Variants in SLC67A1 observed in about 807,000 individuals in gnomAD.
SLC67A1 encodes the protein solute carrier family 67 member 1, also known as solute carrier family 67 member A1.
At chr11:2,899,703 C>T in the SLC67A1 span, 1 of 1,493,222 alleles carries the variant, frequency 6.7e-7, no homozygotes, top group Non-Finnish European at 8.9e-7. Context: ...TTCCCCCATT[C>T]ACACTGAGCC....
chr11:2,916,825 G>A, the SLC67A1 span: 24 of 1,200,342 alleles, frequency 2.0e-5, no homozygotes, highest in South Asian at 2.2e-4. Flanking sequence ...CAAGGGGTAC[G>A]GGGGGCCTGA....
At chr11:2,917,571 T>A in the SLC67A1 span, among the ~76,000 whole-genome samples, 1 of 152,208 alleles carries the variant, frequency 6.6e-6, no homozygotes, top group Non-Finnish European at 1.5e-5. Flanking sequence ...TGGTACAGTA[T>A]TGCCATTGTC....
the SLC67A1 span, among the ~76,000 whole-genome samples, chr11:2,924,046 C>G: frequency 6.6e-6 from 1 of 152,176 alleles, no homozygotes; most frequent in Non-Finnish European, 1.5e-5. The surrounding 1 kb of genome is among the most constrained non-coding windows in gnomAD (Gnocchi z 8.6). Flanking sequence ...CCTCTGGGCA[C>G]GGGACCAGAG....
the SLC67A1 span, chr11:2,916,908 C>G: frequency 1.6e-6 from 1 of 618,316 alleles, no homozygotes; most frequent in Admixed American, 2.9e-5. Flanking sequence ...TCATAGAAGC[C>G]AAGTGAGGTG....
chr11:2,918,154 C>G, the SLC67A1 span: 1 of 1,366,778 alleles, frequency 7.3e-7, no homozygotes, highest in African/African-American at 1.4e-5. Context: ...CAGCTGCGGC[C>G]AGGGCCCGGC....
chr11:2,921,148 G>C, the SLC67A1 span: 1 of 149,698 alleles, frequency 6.7e-6, no homozygotes, highest in Non-Finnish European at 1.5e-5. Flanking sequence ...GGAGAATGGC[G>C]TGAACCCGGG....
chr11:2,918,895 A>G, the SLC67A1 span: 21 of 181,314 alleles, frequency 1.2e-4, no homozygotes, highest in East Asian at 2.2e-3. Context: ...GGGTCTCACT[A>G]TCTTTTCCAG....
At chr11:2,903,450 A>G in the SLC67A1 span, 39 of 1,613,134 alleles carry the variant, frequency 2.4e-5, no homozygotes, top group Middle Eastern at 1.6e-4. Context: ...TGGCCGCCAC[A>G]GAACTTACCT....
chr11:2,903,666 C>A, the SLC67A1 span: 3 of 673,748 alleles, frequency 4.5e-6, no homozygotes, highest in African/African-American at 3.6e-5. Flanking sequence ...GCCTCTGGAC[C>A]CCCGTCAGCA....
the SLC67A1 span, chr11:2,916,252 C>T: frequency 4.2e-5 from 9 of 215,700 alleles, no homozygotes; most frequent in African/African-American, 1.6e-4. Flanking sequence ...GGGACATGCA[C>T]ACCAGGCTTG....
the SLC67A1 span, chr11:2,899,866 C>T: frequency 1.4e-6 from 1 of 698,362 alleles, no homozygotes; most frequent in South Asian, 2.1e-5. Flanking sequence ...CTCCCTCGCA[C>T]ACCTCTGGGC....
At chr11:2,916,808 C>A in the SLC67A1 span, 1 of 1,417,430 alleles carries the variant, frequency 7.1e-7, no homozygotes, top group Non-Finnish European at 9.9e-7. Context: ...GGCCTGCGTG[C>A]TCCAGCCAAG....
At chr11:2,903,050 G>T in the SLC67A1 span, 1 of 463,904 alleles carries the variant, frequency 2.2e-6, no homozygotes, top group East Asian at 4.0e-5. Context: ...GCAGGGGTCG[G>T]GGGGAGCAGC....
chr11:2,900,653 A>G, the SLC67A1 span, among the ~76,000 whole-genome samples: 75 of 135,496 alleles, frequency 5.5e-4, no homozygotes, highest in African/African-American at 1.9e-3. Context: ...AGATCGCGCC[A>G]CTGCACTTCA....
the SLC67A1 span, chr11:2,909,474 G>C: frequency 1.4e-6 from 2 of 1,437,524 alleles, no homozygotes; most frequent in African/African-American, 1.5e-5. Flanking sequence ...GGGCTGGACG[G>C]GGGTGGGGGG....
the SLC67A1 span, among the ~76,000 whole-genome samples, chr11:2,924,122 C>G: frequency 3.9e-5 from 6 of 152,350 alleles, no homozygotes; most frequent in African/African-American, 1.4e-4. This position sits in a 1 kb window ranked among gnomAD's most constrained non-coding sequence, Gnocchi z 8.6. Flanking sequence ...CCCCTTGTTG[C>G]CCGAGTGTTG....
At chr11:2,924,317 C>A in the SLC67A1 span, among the ~76,000 whole-genome samples, 4 of 152,124 alleles carry the variant, frequency 2.6e-5, no homozygotes, top group African/African-American at 9.7e-5. The surrounding 1 kb of genome is among the most constrained non-coding windows in gnomAD (Gnocchi z 8.6). Flanking sequence ...CCTGCATGGG[C>A]TTCCAAAGCC....
At chr11:2,909,552 G>T in the SLC67A1 span, 13 of 1,517,236 alleles carry the variant, frequency 8.6e-6, no homozygotes, top group East Asian at 2.6e-5. Context: ...GGCTTTCGCC[G>T]CTCAGCTCCC....
chr11:2,922,611 C>A, the SLC67A1 span: 3 of 1,113,346 alleles, frequency 2.7e-6, no homozygotes, highest in African/African-American at 5.7e-5. Context: ...AGGAGCTACC[C>A]GGTGGGGATG....
Sources: gnomAD v4.1 joint callset for allele counts (sites outside exome capture counted in the v4.1 genomes callset) on GRCh38, gnomAD v4.1.1 for gene constraint, Gnocchi (gnomAD v3.1) non-coding constraint, MANE v1.5 for transcripts, NCBI Gene and HGNC (gene_info 2026-07-23, HGNC 2026-07-21) for gene names.